Variants in TEX15 observed in about 807,000 individuals in gnomAD.
The protein encoded by TEX15 is testis-expressed protein 15.
TEX15 carries 171 observed loss-of-function variants against 237.3 expected under a neutral mutation model. The observed-to-expected ratio is 0.72, with a 90% CI of 0.64 to 0.82. TEX15 has a LOEUF of 0.82. TEX15 is among the 40% of genes least tolerant of loss of function. TEX15 has a pLI of 0.00. For missense variants in TEX15, 3,750 were observed against 3,646.5 expected (o/e 1.03, Z -0.73); for synonymous variants, 1,338 against 1,269.8 (o/e 1.05, Z -1.14).
chr8:30,887,220 A>G lies in TEX15; in HGVS notation c.83T>C (p.Val28Ala), dbSNP rs1202153703. The G allele has an allele frequency of 6.5e-7, 1 of 1,535,782 alleles. No individual in the cohort carries two copies. The highest frequency in any genetic ancestry group is 8.7e-7 in the Non-Finnish European group (1 of 1,146,756). Residue 28 changes from valine (V) to alanine (A), a missense_variant, in exon 3 of 11, where the codon GTC becomes GCC. Transcript: ENST00000643185. Reference sequence around the variant, plus strand: ...AATGGTGAATTTCTTCAAAGGATTGACTTCACGAGTATTCAACACGGGTTT... The same window carrying G: ...AATGGTGAATTTCTTCAAAGGATTGGCTTCACGAGTATTCAACACGGGTTT... ...TSKPVLNTREVNPLKKFTIPK... is the reference protein window; with the variant it reads ...TSKPVLNTREANPLKKFTIPK...
In TEX15 at chr8:30,844,753, T is replaced by C; in HGVS notation, c.5414A>G (p.Tyr1805Cys). 1 of 1,613,340 alleles carries C rather than the reference T, an allele frequency of 6.2e-7. No homozygotes were observed. Among genetic ancestry groups the C allele is most frequent in the Non-Finnish European group, 8.5e-7 (1 of 1,179,556 alleles). Reference sequence around the variant, plus strand: ...AGATAATTCCACTATATTTTCCCCATAACTTTTATCTTCTTCAGTTCCTGA... The same window carrying C: ...AGATAATTCCACTATATTTTCCCCACAACTTTTATCTTCTTCAGTTCCTGA... ...VASGTEEDKSYGENIVELSSS... is the reference protein window; with the variant it reads ...VASGTEEDKSCGENIVELSSS... Residue 1805 changes from tyrosine to cysteine, a missense_variant, in exon 8 of 11, where the codon TAT becomes TGT. Transcript: ENST00000643185.
rs1563227389 is a variant in TEX15 at position 30,837,466 on chromosome 8, T to C, written c.8818A>G (p.Ile2940Val). ...GTAGGAATTTTGTTCTGGATACAGA[T>C]GGGTTCTGGAGAAGTCATGCATGAG... ...NSSCMTSPEP[I>V]CIQNKIPTLQ... is the part of the protein sequence containing the mutation. The change falls in exon 10 of 11, where the codon ATC becomes GTC. Residue 2940 changes from isoleucine to valine, a missense_variant. Ile to Val is a conservative substitution (Grantham distance 29). Transcript: ENST00000643185. 1.2e-6 allele frequency: 2 copies of C among 1,614,098 alleles called. No individual in the cohort carries two copies. The highest frequency in any genetic ancestry group is 1.7e-6 in the Non-Finnish European group (2 of 1,179,986).
At chr8:30,874,037 A>G (rs946932024) in intron 4 of TEX15, among the ~76,000 whole-genome samples, 2 of 152,184 alleles carry the variant, frequency 1.3e-5, no homozygotes, top group African/African-American at 2.4e-5. Flanking sequence ...ATTTTTGATC[A>G]AAGTGTTTTT....
rs16877416 is a variant in TEX15 at position 30,836,693 on chromosome 8, G to C, written c.9481+110C>G. Reference sequence around the variant, plus strand: ...ATTCTACAAATCTGTACAGAAAAATGACTGCTCTTTCTCCCTCTAACTCAT... The same window carrying C: ...ATTCTACAAATCTGTACAGAAAAATCACTGCTCTTTCTCCCTCTAACTCAT... On this transcript the variant is annotated intron_variant, in intron 10 of 10. Transcript: ENST00000643185. The C allele has an allele frequency of 1.6e-3, 1,566 of 978,750 alleles. 16 individuals carry two copies. In the African/African-American group the frequency reaches 0.022, roughly 14 times the overall value. 60.6% of individuals were successfully genotyped at this position (978,750 alleles called of 1,614,324 possible). A position where few individuals can be genotyped will look rare whatever the true frequency, so the allele number is the denominator to read the frequency against.
chr8:30,843,038 C>A lies in TEX15; in HGVS notation c.7129G>T (p.Asp2377Tyr). The A allele has an allele frequency of 6.2e-7, 1 of 1,613,526 alleles. No homozygotes were observed. The highest frequency in any genetic ancestry group is 8.5e-7 in the Non-Finnish European group (1 of 1,179,714). Residue 2377 changes from aspartate to tyrosine, a missense_variant, in exon 8 of 11, where the codon GAT becomes TAT. Transcript: ENST00000643185. ...PDICCISEIL[D>Y]QAEFADLKKL... ...TTAAGGTCTGCAAATTCAGCCTGAT[C>A]CAATATCTCACTAATACAACAAATA...
intron 3 of TEX15, among the ~76,000 whole-genome samples, chr8:30,885,004 A>G (rs1808614211): frequency 6.6e-6 from 1 of 152,136 alleles, no homozygotes; most frequent in Non-Finnish European, 1.5e-5. Context: ...GCTTTATCCT[A>G]CAAATTTTGT....
At chr8:30,908,591 G>A (rs557443431) in intron 1 of TEX15, among the ~76,000 whole-genome samples, 32 of 152,200 alleles carry the variant, frequency 2.1e-4, no homozygotes, top group Non-Finnish European at 4.0e-4. Context: ...TGCCCCATCC[G>A]GAAAAGAGGT....
At position 30,848,396 on chromosome 8, in the gene TEX15, T is replaced by C. The variant is rs780826305; in HGVS notation, c.1771A>G (p.Thr591Ala). Reference protein sequence around the residue: ...FQDSQSSDLKTIYQTGCQTST... With the variant: ...FQDSQSSDLKAIYQTGCQTST... ...GTTTGGCAACCAGTCTGATAAATTG[T>C]TTTTAAATCAGAAGACTGCGAGTCC... is the stretch of plus-strand genomic sequence containing the variant. Residue 591 changes from threonine (T) to alanine (A), a missense_variant, in exon 8 of 11, where the codon ACA becomes GCA. By Grantham distance (58) the Thr-to-Ala change is moderately conservative (BLOSUM62 0). Transcript: ENST00000643185. 4 of 1,614,168 alleles carry C rather than the reference T, an allele frequency of 2.5e-6. No homozygotes were observed. The highest frequency in any genetic ancestry group is 2.5e-6 in the Non-Finnish European group (3 of 1,180,010).
rs201220558 is a variant in TEX15 at position 30,844,227 on chromosome 8, G to A, written c.5940C>T (p.Tyr1980=). Residue 1980 remains tyrosine (Y), a synonymous_variant, in exon 8 of 11, where the codon TAC becomes TAT. Transcript: ENST00000643185. ...AATGTTTTTCTTTAAAATCACTCAC[G>A]TATGACGCAGGTTTCTTCAGAAGAG... ...VPTLLKKPAS[Y]VSDFKEKHCS... 1.9e-5 allele frequency: 30 copies of A among 1,611,888 alleles called. No homozygotes were observed. Among genetic ancestry groups the A allele is most frequent in the South Asian group, 9.9e-5 (9 of 90,574 alleles).
chr8:30,896,472 C>T (rs542116683), intron 2 of TEX15, among the ~76,000 whole-genome samples: 1 of 151,962 alleles, frequency 6.6e-6, no homozygotes, highest in Admixed American at 6.6e-5. Flanking sequence ...TAGTGTGATC[C>T]AGAGACAAAG....
chr8:30,886,516 A>G (rs1363697827), intron 3 of TEX15, among the ~76,000 whole-genome samples: 3 of 152,220 alleles, frequency 2.0e-5, no homozygotes, highest in African/African-American at 4.8e-5. Context: ...ACATTGCAGG[A>G]GCAGGATGAT....
At chr8:30,855,594 A>C (rs1807892167) in intron 7 of TEX15, among the ~76,000 whole-genome samples, 1 of 152,208 alleles carries the variant, frequency 6.6e-6, no homozygotes, top group Admixed American at 6.5e-5. Context: ...TCTTGGATAT[A>C]CTGTACTCAA....
At chr8:30,907,316 A>C (rs1190660470) in intron 1 of TEX15, among the ~76,000 whole-genome samples, 2 of 151,968 alleles carry the variant, frequency 1.3e-5, no homozygotes, top group Non-Finnish European at 2.9e-5. Context: ...TGACTGGATA[A>C]TATTCAAAAT....
chr8:30,839,858 C>T (rs1317264810), intron 9 of TEX15, 48 bp downstream of exon 9: 6 of 1,328,104 alleles, frequency 4.5e-6, no homozygotes, highest in Non-Finnish European at 6.3e-6. Flanking sequence ...AGTATTTGCC[C>T]AATTTTGTTC....
intron 4 of TEX15, among the ~76,000 whole-genome samples, chr8:30,872,999 A>G (rs1229615767): frequency 1.3e-5 from 2 of 152,172 alleles, no homozygotes; most frequent in African/African-American, 4.8e-5. Context: ...TATACGATAT[A>G]GTTGAGGTGT....
chr8:30,902,992 T>C (rs1809034303), intron 1 of TEX15, among the ~76,000 whole-genome samples: 1 of 152,220 alleles, frequency 6.6e-6, no homozygotes, highest in Non-Finnish European at 1.5e-5. Context: ...GATTATGCTT[T>C]TAAACTATGT....
intron 5 of TEX15, among the ~76,000 whole-genome samples, chr8:30,864,045 C>A (rs1808105775): frequency 6.6e-6 from 1 of 151,760 alleles, no homozygotes; most frequent in South Asian, 2.1e-4. Context: ...CTTAAAGATG[C>A]TCAAAGAGCT....
chr8:30,866,357 A>AGAAAGGGGAAGAGGAAGG (rs1167417056), intron 5 of TEX15, among the ~76,000 whole-genome samples: 1 of 145,632 alleles, frequency 6.9e-6, no homozygotes, highest in Non-Finnish European at 1.5e-5. Context: ...AGGAGAAAGG[A>AGAAAGGGGAAGAGGAAGG]GAAAGGGGAA....
At chr8:30,839,271 A>T (rs531754443) in intron 9 of TEX15, among the ~76,000 whole-genome samples, 1 of 152,302 alleles carries the variant, frequency 6.6e-6, no homozygotes, top group South Asian at 2.1e-4. Flanking sequence ...AAAGCCAAAT[A>T]TTTCACTGAA....
Sources: allele counts gnomAD v4.1 joint callset (sites outside exome capture counted in the v4.1 genomes callset), GRCh38; gene constraint gnomAD v4.1.1; transcripts MANE v1.5; gene names NCBI Gene and HGNC (gene_info 2026-07-23, HGNC 2026-07-21).